Variants in ABCB1 observed in about 807,000 individuals in gnomAD.
The protein encoded by ABCB1 is ATP-dependent translocase ABCB1.
A neutral mutation model predicts 142.0 loss-of-function variants in ABCB1; 69 were observed. The ratio of observed to expected loss-of-function variants is 0.49; its 90% CI spans 0.40 to 0.59. The LOEUF (loss-of-function observed/expected upper bound fraction) is 0.59, where lower values mean the gene tolerates loss of function less well. ABCB1 is among the 20% of genes least tolerant of loss of function. The pLI is 0.00. For synonymous variants in ABCB1, 532 were observed against 539.2 expected (o/e 0.99, Z 0.18); for missense variants, 1,326 against 1,554.7 (o/e 0.85, Z 2.47).
intron 4 of ABCB1, among the ~76,000 whole-genome samples, chr7:87,576,832 G>A (rs1241652637): frequency 6.6e-6 from 1 of 151,656 alleles, no homozygotes; most frequent in African/African-American, 2.4e-5. Context: ...TTTTGACATA[G>A]GCATACAATG....
chr7:87,709,914 G>A (rs1175360481), intron 1 of ABCB1, among the ~76,000 whole-genome samples: 1 of 152,122 alleles, frequency 6.6e-6, no homozygotes, highest in Non-Finnish European at 1.5e-5. Flanking sequence ...ATTACTTTTA[G>A]TAAGAATTGT....
At chr7:87,550,626 T>C in intron 10 of ABCB1, 48 bp from the exon 11 acceptor site, 3 of 1,583,706 alleles carry the variant, frequency 1.9e-6, no homozygotes, top group Non-Finnish European at 2.6e-6. Flanking sequence ...AATAACTACT[T>C]TTAGTGATAT....
At chr7:87,629,368 G>T (rs143696954) in intron 1 of ABCB1, 8 of 158,800 alleles carry the variant, frequency 5.0e-5, no homozygotes, top group Admixed American at 6.5e-5. Context: ...CGTTGTTTTG[G>T]CTTGTTTACA....
intron 3 of ABCB1, among the ~76,000 whole-genome samples, chr7:87,589,997 T>A (rs146875131): frequency 4.9e-4 from 75 of 152,208 alleles, no homozygotes; most frequent in African/African-American, 1.8e-3. Context: ...AAGTAGAAGG[T>A]ACTGACAGGA....
intron 2 of ABCB1, among the ~76,000 whole-genome samples, chr7:87,597,608 A>T (rs2129989437): frequency 6.6e-6 from 1 of 152,228 alleles, no homozygotes; most frequent in African/African-American, 2.4e-5. Flanking sequence ...AAATGTTTGT[A>T]TCATAAGTAC....
rs199847709 is a variant in ABCB1, at chr7:87,600,125, G to A, written c.60C>T (p.Asn20=). ...GAKKKNFFKL[N]NKSEKDKKEK... is the part of the protein sequence containing the mutation. ...TGAAACAAGCTAGTTACCTTTTATT[G>A]TTCAGTTTAAAAAAGTTCTTCTTCT... The change falls in exon 2 of 28, where the codon AAC becomes AAT. Residue 20 remains asparagine, a synonymous_variant. Coordinates refer to ENST00000622132, the MANE Select transcript of ABCB1 (RefSeq NM_001348946.2). 1 of 1,613,530 alleles carries A rather than the reference G, an allele frequency of 6.2e-7. No homozygotes were observed. Among genetic ancestry groups the A allele is most frequent in the Middle Eastern group, 1.7e-4 (1 of 6,060 alleles).
intron 20 of ABCB1, chr7:87,531,704 C>G (rs1816064169): frequency 1.1e-5 from 6 of 563,790 alleles, no homozygotes; most frequent in Non-Finnish European, 1.6e-5. Context: ...TATCAACAAT[C>G]TAGAGTTCAA....
chr7:87,666,190 G>A (rs1051598971), intron 1 of ABCB1, among the ~76,000 whole-genome samples: 2 of 152,112 alleles, frequency 1.3e-5, no homozygotes, highest in East Asian at 3.8e-4. Flanking sequence ...TCTGACTGGT[G>A]TGAGATGGTA....
chr7:87,619,258 G>T (rs528897753), intron 1 of ABCB1, among the ~76,000 whole-genome samples: 17 of 152,236 alleles, frequency 1.1e-4, no homozygotes, highest in South Asian at 8.3e-4. Flanking sequence ...ATGTAAGCTT[G>T]GCTGGGCACA....
In ABCB1 at chr7:87,588,714, T is replaced by G. The variant is rs573872570; in HGVS notation, c.118-3034A>C. Among the ~76,000 whole-genome samples, 4 of 152,234 alleles carry G rather than the reference T, an allele frequency of 2.6e-5. No individual in the cohort carries two copies. The East Asian group carries it at 7.7e-4, about 29-fold the overall frequency. ...ATACACCCAGTAATAGGTCAAATGG[T>G]ATTTCTGTCTTTAGGTCTTTGAGGA... On this transcript the variant is annotated intron_variant, in intron 3 of 27. Transcript: ENST00000622132.
At chr7:87,619,767 T>C (rs1820160974) in intron 1 of ABCB1, among the ~76,000 whole-genome samples, 1 of 120,784 alleles carries the variant, frequency 8.3e-6, no homozygotes, top group Non-Finnish European at 1.7e-5. Flanking sequence ...TGTGTGTGTA[T>C]ATATATATAT....
chr7:87,574,466 A>G (rs1330141916), intron 4 of ABCB1, among the ~76,000 whole-genome samples: 1 of 152,128 alleles, frequency 6.6e-6, no homozygotes, highest in African/African-American at 2.4e-5. Context: ...ATTTTTGCAC[A>G]CTTGGATTCT....
chr7:87,712,271 T>C (rs1335093352), intron 1 of ABCB1, among the ~76,000 whole-genome samples: 2 of 152,078 alleles, frequency 1.3e-5, no homozygotes, highest in Non-Finnish European at 2.9e-5. Context: ...TTTCTAAAGA[T>C]AAACAGTGAG....
intron 1 of ABCB1, among the ~76,000 whole-genome samples, chr7:87,691,540 A>G (rs1417416307): frequency 1.3e-5 from 2 of 152,198 alleles, no homozygotes; most frequent in African/African-American, 2.4e-5. Context: ...TTTTATAACA[A>G]AAGGTTTTGT....
At chr7:87,654,252 A>G (rs1823860379) in intron 1 of ABCB1, among the ~76,000 whole-genome samples, 1 of 152,108 alleles carries the variant, frequency 6.6e-6, no homozygotes, top group Admixed American at 6.6e-5. Context: ...ATTAATATGG[A>G]ACCACAAAAG....
chr7:87,579,486 A>G (rs1278807182), intron 4 of ABCB1, among the ~76,000 whole-genome samples: 2 of 152,192 alleles, frequency 1.3e-5, no homozygotes, highest in Non-Finnish European at 2.9e-5. Flanking sequence ...TATATCCTTC[A>G]TTCTGTTGAT....
chr7:87,627,254 C>T (rs1820719100), intron 1 of ABCB1, among the ~76,000 whole-genome samples: 1 of 151,994 alleles, frequency 6.6e-6, no homozygotes, highest in Non-Finnish European at 1.5e-5. Context: ...AACAGTATGC[C>T]CTGCATTAAC....
At chr7:87,656,234 C>T (rs1313913393) in intron 1 of ABCB1, among the ~76,000 whole-genome samples, 1 of 151,532 alleles carries the variant, frequency 6.6e-6, no homozygotes, top group African/African-American at 2.4e-5. Context: ...ATCATATATA[C>T]AATTTGTATT....
chr7:87,642,671 T>C (rs1790818380), intron 1 of ABCB1, among the ~76,000 whole-genome samples: 1 of 152,100 alleles, frequency 6.6e-6, no homozygotes, highest in Non-Finnish European at 1.5e-5. Flanking sequence ...AGGGTACATG[T>C]GCATGAAGCT....
Sources: gnomAD v4.1 joint callset for allele counts (sites outside exome capture counted in the v4.1 genomes callset) on GRCh38, gnomAD v4.1.1 for gene constraint, MANE v1.5 for transcripts, NCBI Gene and HGNC (gene_info 2026-07-23, HGNC 2026-07-21) for gene names.